Variants in GSS observed in about 807,000 individuals in gnomAD.
GSS encodes glutathione synthetase, also known as GSH synthetase.
A neutral mutation model predicts 60.4 loss-of-function variants in GSS; 34 were observed. The observed-to-expected ratio is 0.56, with a 90% CI of 0.43 to 0.75. The LOEUF (loss-of-function observed/expected upper bound fraction) is 0.75. Among genes scored for constraint, GSS ranks in the 30% least tolerant of loss-of-function variants. The pLI is 0.00. For synonymous variants in GSS, 224 were observed against 239.0 expected, an observed-to-expected ratio of 0.94 and a Z score of 0.58; for missense variants, 499 against 595.1, an observed-to-expected ratio of 0.84 and a Z score of 1.68.
chr20:34,935,709 T>C, intron 8 of GSS, 67 bp from the exon 9 acceptor site: 1 of 1,239,942 alleles, frequency 8.1e-7, no homozygotes, highest in East Asian at 2.3e-5. Flanking sequence ...GTTCAATCTA[T>C]TTCAGGGTGC....
intron 6 of GSS, among the ~76,000 whole-genome samples, chr20:34,939,434 A>G (rs2081466129): frequency 1.3e-5 from 2 of 152,084 alleles, no homozygotes; most frequent in Admixed American, 1.3e-4. Flanking sequence ...AATTGACGAA[A>G]ATTAATCTGC....
At chr20:34,930,135 G>A (rs147600624) in intron 11 of GSS, among the ~76,000 whole-genome samples, 1,574 of 151,922 alleles carry the variant, frequency 0.01, 34 homozygotes, top group African/African-American at 0.036. Context: ...GTGTGGTGGC[G>A]CACACCTGTA....
intron 2 of GSS, chr20:34,951,477 A>T: frequency 2.0e-6 from 1 of 510,944 alleles, no homozygotes; most frequent in Non-Finnish European, 3.5e-6. Flanking sequence ...TCCCATTTTT[A>T]CACCTGAAGA....
Position 34,951,731 on chromosome 20 carries a change from G to C in GSS, c.122C>G (p.Ser41Cys). 2 of 1,608,254 alleles carry C rather than the reference G, an allele frequency of 1.2e-6. No individual in the cohort carries two copies. Among genetic ancestry groups the C allele is most frequent in the Non-Finnish European group, 1.7e-6 (2 of 1,176,890 alleles). ...GAGGAGCTAGGGGCTTACCTCCGAG[G>C]AAGTGGGCTCCTGTGAGGTCCTCAG... ...VLLRTSQEPT[S>C]SEVVSYAPFT... is the part of the protein sequence containing the mutation. The change falls in exon 2 of 13, where the codon TCC becomes TGC. Residue 41 changes from serine (S) to cysteine (C), a missense_variant. Ser to Cys is a moderately radical substitution (Grantham distance 112). Coordinates refer to ENST00000651619, the MANE Select transcript of GSS (RefSeq NM_000178.4).
intron 2 of GSS, chr20:34,949,570 T>C (rs1212765345): frequency 6.6e-6 from 1 of 152,074 alleles, no homozygotes; most frequent in Non-Finnish European, 1.5e-5. Flanking sequence ...AGCTGTCCTA[T>C]ATAGTATCTT....
At chr20:34,946,886 G>T (rs2081527188) in intron 2 of GSS, among the ~76,000 whole-genome samples, 1 of 152,120 alleles carries the variant, frequency 6.6e-6, no homozygotes, top group Non-Finnish European at 1.5e-5. Flanking sequence ...TACCATCAAG[G>T]ACACTGATTC....
chr20:34,944,168 C>CA (rs2081504419), intron 3 of GSS, among the ~76,000 whole-genome samples: 1 of 152,332 alleles, frequency 6.6e-6, no homozygotes, highest in African/African-American at 2.4e-5. Context: ...AGTTGAGACA[C>CA]ACTTTCCTTT....
chr20:34,953,091 G>A (rs1379298815), intron 1 of GSS, among the ~76,000 whole-genome samples: 1 of 152,196 alleles, frequency 6.6e-6, no homozygotes, highest in Non-Finnish European at 1.5e-5. Flanking sequence ...GAGACATACA[G>A]AGGTGTACAA....
At chr20:34,928,973 A>T (rs750070057) in intron 12 of GSS, 22 bp from the exon 13 acceptor site, 2 of 1,612,514 alleles carry the variant, frequency 1.2e-6, no homozygotes, top group Admixed American at 1.7e-5. Flanking sequence ...GAGGCAGGGG[A>T]CACACATCAC....
At chr20:34,938,160 C>T (rs932161899) in intron 6 of GSS, among the ~76,000 whole-genome samples, 3 of 152,172 alleles carry the variant, frequency 2.0e-5, no homozygotes, top group African/African-American at 7.2e-5. Context: ...GCTCAGCCTC[C>T]AAACTCCATT....
chr20:34,931,377 G>A lies in GSS; in HGVS notation c.1070C>T (p.Ala357Val), dbSNP rs757960558. Residue 357 changes from alanine to valine, a missense_variant, in exon 11 of 13, where the codon GCC (alanine) becomes GTC (valine). Physicochemically the swap from Ala to Val is moderately conservative, Grantham distance 64. Transcript: ENST00000651619. ...GDQAIAEALA[A>V]PSRFVLKPQR... Reference sequence around the variant, plus strand: ...GGGCTTTAGCACAAACCGGCTAGGGGCAGCAAGGGCCTCGGCGATGGCCTG... The same window carrying A: ...GGGCTTTAGCACAAACCGGCTAGGGACAGCAAGGGCCTCGGCGATGGCCTG... 5 of 1,614,084 alleles carry A rather than the reference G, an allele frequency of 3.1e-6. No homozygotes were observed. The highest frequency in any genetic ancestry group is 4.2e-6 in the Non-Finnish European group (5 of 1,179,994).
In GSS at chr20:34,942,605, C is replaced by A. The variant is rs748780943; in HGVS notation, c.374G>T (p.Arg125Leu). 1.2e-6 allele frequency: 2 copies of A among 1,614,026 alleles called. No individual in the cohort carries two copies. Among genetic ancestry groups the A allele is most frequent in the Non-Finnish European group, 1.7e-6 (2 of 1,179,960 alleles). ...IAQTVFLGLN[R>L]SDYMFQRSAD... is the part of the protein sequence containing the mutation. ...GCTGCGCTGGAACATGTAGTCTGAG[C>A]GATTCAGGCCCAGGAACACAGTCTG... Residue 125 changes from arginine to leucine, a missense_variant, in exon 5 of 13, where the codon CGC becomes CTC. Coordinates refer to ENST00000651619, the MANE Select transcript of GSS (RefSeq NM_000178.4).
At chr20:34,948,343 T>G (rs2081539291) in intron 2 of GSS, among the ~76,000 whole-genome samples, 1 of 152,144 alleles carries the variant, frequency 6.6e-6, no homozygotes, top group Non-Finnish European at 1.5e-5. Flanking sequence ...ACTCAGAGTT[T>G]TTCTGCTAAG....
intron 11 of GSS, among the ~76,000 whole-genome samples, chr20:34,930,894 G>A (rs2081395918): frequency 6.6e-6 from 1 of 152,012 alleles, no homozygotes. Context: ...CTTGGCTTGA[G>A]GTTGTCCCTT....
intron 9 of GSS, among the ~76,000 whole-genome samples, chr20:34,934,718 G>A (rs2081427818): frequency 6.6e-6 from 1 of 152,088 alleles, no homozygotes; most frequent in African/African-American, 2.4e-5. Context: ...CAACCCTCGG[G>A]GGGAGTCCTA....
intron 9 of GSS, among the ~76,000 whole-genome samples, chr20:34,935,079 T>C (rs73905012): frequency 0.011 from 1,658 of 152,312 alleles, 30 homozygotes; most frequent in African/African-American, 0.038. Flanking sequence ...ATAATGGGGA[T>C]AATTATATGC....
At chr20:34,934,425 T>C (rs544463533) in intron 9 of GSS, among the ~76,000 whole-genome samples, 28 of 151,894 alleles carry the variant, frequency 1.8e-4, no homozygotes, top group African/African-American at 5.3e-4. Flanking sequence ...TACAGGGGTA[T>C]GCCACCACGC....
At chr20:34,938,321 C>G (rs2081456682) in intron 6 of GSS, among the ~76,000 whole-genome samples, 1 of 152,182 alleles carries the variant, frequency 6.6e-6, no homozygotes, top group African/African-American at 2.4e-5. Flanking sequence ...TTGGCTGAAC[C>G]TCTTAGTCTA....
At chr20:34,936,614 A>C (rs1287094154) in intron 8 of GSS, 149 bp downstream of exon 8, 12 of 797,482 alleles carry the variant, frequency 1.5e-5, no homozygotes, top group Admixed American at 3.4e-5. Context: ...GCTTTCTCCA[A>C]AATTTCCTGG....
Sources: gnomAD v4.1 joint callset for allele counts (sites outside exome capture counted in the v4.1 genomes callset) on GRCh38, gnomAD v4.1.1 for gene constraint, MANE v1.5 for transcripts, NCBI Gene and HGNC (gene_info 2026-07-23, HGNC 2026-07-21) for gene names.